The following RBFOX1 variants were observed in gnomAD, a reference collection of about 807,000 sequenced individuals.
RBFOX1 encodes the protein RNA binding fox-1 homolog 1, also known as RNA binding protein fox-1 homolog 1.
A neutral mutation model predicts 57.7 loss-of-function variants in RBFOX1; 8 were observed. The observed-to-expected ratio is 0.14, with a 90% CI of 0.08 to 0.25. The LOEUF is 0.25. RBFOX1 is among the 10% of genes least tolerant of loss of function. The pLI, the probability that RBFOX1 is intolerant of heterozygous loss-of-function variation, is 1.00. For missense variants in RBFOX1, 611 were observed against 548.5 expected (o/e 1.11, Z -1.14); for synonymous variants, 326 against 222.4 (o/e 1.47, Z -4.15).
At chr16:6,015,626 G>C (rs867583810), upstream of RBFOX1, among the ~76,000 whole-genome samples, 4 of 152,266 alleles carry the variant, frequency 2.6e-5, no homozygotes, top group Middle Eastern at 3.4e-3. Context: ...CAGATTTGCT[G>C]TTCCTAGAAG....
chr16:6,676,693 G>C (rs200686210), intron 3 of RBFOX1, among the ~76,000 whole-genome samples: 2 of 24,278 alleles, frequency 8.2e-5, no homozygotes, highest in African/African-American at 3.5e-4. Context: ...TTTTTTTTTT[G>C]AGACAAAGTC....
At chr16:6,474,259 G>A (rs977326496) in intron 2 of RBFOX1, among the ~76,000 whole-genome samples, 7 of 152,174 alleles carry the variant, frequency 4.6e-5, no homozygotes, top group Non-Finnish European at 7.3e-5. Context: ...CCATTTCGAT[G>A]TGAGGGAATA....
intron 3 of RBFOX1, among the ~76,000 whole-genome samples, chr16:6,945,132 G>C (rs777783014): frequency 7.2e-5 from 11 of 152,136 alleles, no homozygotes; most frequent in Non-Finnish European, 1.5e-4. Flanking sequence ...CGCAGAGGTA[G>C]GGGCACAGTA....
chr16:6,387,725 C>T (rs1158841323), intron 2 of RBFOX1, among the ~76,000 whole-genome samples: 2 of 152,038 alleles, frequency 1.3e-5, no homozygotes, highest in East Asian at 1.9e-4. Context: ...ATAGTGGGCA[C>T]CTGTCAATTC....
intron 3 of RBFOX1, among the ~76,000 whole-genome samples, chr16:5,633,585 G>T (rs2151310202): frequency 6.6e-6 from 1 of 152,158 alleles, no homozygotes; most frequent in Non-Finnish European, 1.5e-5. Flanking sequence ...TCAAAAAGTG[G>T]GTAAAGGGCT....
intron 3 of RBFOX1, among the ~76,000 whole-genome samples, chr16:6,670,507 C>G (rs552090414): frequency 6.6e-6 from 1 of 152,222 alleles, no homozygotes; most frequent in African/African-American, 2.4e-5. Flanking sequence ...ATTAGAAGAG[C>G]TAAGGATATA....
At chr16:5,512,610 T>A (rs35124728) in intron 2 of RBFOX1, among the ~76,000 whole-genome samples, 25,907 of 152,048 alleles carry the variant, frequency 0.17, 2,196 homozygotes, top group African/African-American at 0.22. Context: ...TGCTGTTGTT[T>A]TAGTAAACCA....
chr16:6,939,463 C>T (rs1001745494), intron 3 of RBFOX1, among the ~76,000 whole-genome samples: 3 of 149,762 alleles, frequency 2.0e-5, no homozygotes, highest in Non-Finnish European at 4.4e-5. Context: ...AATGAATGTG[C>T]TCTGCTTTGC....
At chr16:7,128,555 G>T (rs950040453) in intron 4 of RBFOX1, among the ~76,000 whole-genome samples, 1 of 152,166 alleles carries the variant, frequency 6.6e-6, no homozygotes, top group Non-Finnish European at 1.5e-5. Context: ...ACAGCAGTGA[G>T]CTGGCACAAT....
At position 6,658,928 on chromosome 16, in the gene RBFOX1, G is replaced by T. The variant is rs867877012; in HGVS notation, c.-16+4278G>T. 1.0e-3 allele frequency among the ~76,000 whole-genome samples: 91 copies of T among 87,614 alleles called. 2 individuals are homozygous for T. In the East Asian group the frequency reaches 0.023, roughly 22 times the overall value. 57.5% of individuals were successfully genotyped at this position (87,614 alleles called of 152,430 possible). A position where few individuals can be genotyped will look rare whatever the true frequency, so the allele number is the denominator to read the frequency against. ...AGGTTTTTTGTTTTTTTGTTTTTTGGTTTTTTTGTTTTTTTTGTTTTTTTT... is the reference window on the plus strand; with the variant it reads ...AGGTTTTTTGTTTTTTTGTTTTTTGTTTTTTTTGTTTTTTTTGTTTTTTTT... On this transcript the variant is annotated intron_variant, in intron 3 of 15. Transcript: ENST00000550418.
At chr16:6,613,974 A>G (rs1279011407) in intron 2 of RBFOX1, among the ~76,000 whole-genome samples, 1 of 152,184 alleles carries the variant, frequency 6.6e-6, no homozygotes, top group African/African-American at 2.4e-5. Flanking sequence ...AGATTCAGAT[A>G]CTGCAATAAT....
At chr16:6,724,271 G>A (rs1384851555) in intron 3 of RBFOX1, among the ~76,000 whole-genome samples, 1 of 148,194 alleles carries the variant, frequency 6.7e-6, no homozygotes, top group East Asian at 2.0e-4. Flanking sequence ...GTGCAGTGGT[G>A]CAATCTCTGC....
At chr16:6,875,758 A>C (rs867464408) in intron 3 of RBFOX1, among the ~76,000 whole-genome samples, 3 of 152,152 alleles carry the variant, frequency 2.0e-5, no homozygotes, top group Admixed American at 1.3e-4. Flanking sequence ...TAACAGCAGC[A>C]CTTTGGGAGG....
intron 1 of RBFOX1, among the ~76,000 whole-genome samples, chr16:5,264,968 C>G (rs753639454): frequency 6.6e-6 from 1 of 151,998 alleles, no homozygotes; most frequent in Non-Finnish European, 1.5e-5. Context: ...GCAGCAAAAC[C>G]TAACCTATTC....
chr16:6,940,470 C>G (rs1228321980), intron 3 of RBFOX1, among the ~76,000 whole-genome samples: 1 of 152,150 alleles, frequency 6.6e-6, no homozygotes, highest in African/African-American at 2.4e-5. Flanking sequence ...TGAGTGATGA[C>G]AATGATAATT....
chr16:6,819,024 C>G (rs2090728356), intron 3 of RBFOX1, among the ~76,000 whole-genome samples: 1 of 152,146 alleles, frequency 6.6e-6, no homozygotes, highest in Non-Finnish European at 1.5e-5. Context: ...AGGTAAGTAA[C>G]AGAGATGGAC....
At chr16:5,569,404 A>G (rs2046189900) in intron 2 of RBFOX1, among the ~76,000 whole-genome samples, 1 of 137,806 alleles carries the variant, frequency 7.3e-6, no homozygotes, top group Non-Finnish European at 1.5e-5. Context: ...TGCTCTTTTC[A>G]GACATTTGGT....
chr16:6,418,151 A>T (rs2093676547), intron 2 of RBFOX1, among the ~76,000 whole-genome samples: 1 of 152,170 alleles, frequency 6.6e-6, no homozygotes, highest in African/African-American at 2.4e-5. Flanking sequence ...GGTTTATGCC[A>T]TTTAACCTCA....
At chr16:7,548,682 C>G (rs956835923) in intron 5 of RBFOX1, among the ~76,000 whole-genome samples, 1 of 152,172 alleles carries the variant, frequency 6.6e-6, no homozygotes, top group Non-Finnish European at 1.5e-5. Flanking sequence ...CAGCCAGTTT[C>G]GGCTGCTGTT....
Sources: allele counts gnomAD v4.1 joint callset (sites outside exome capture counted in the v4.1 genomes callset), GRCh38; gene constraint gnomAD v4.1.1; transcripts MANE v1.5; gene names NCBI Gene and HGNC (gene_info 2026-07-23, HGNC 2026-07-21).